Variants in ALK observed in about 807,000 individuals in gnomAD.
The protein encoded by ALK is ALK receptor tyrosine kinase.
Under a neutral mutation model 163.1 loss-of-function variants are expected in ALK, and 74 were observed. That is an observed-to-expected ratio of 0.45 (90% CI 0.38 to 0.55). The LOEUF (loss-of-function observed/expected upper bound fraction) is 0.55. ALK is among the 20% of genes least tolerant of loss of function. ALK has a pLI of 0.00. For missense variants in ALK, 2,063 were observed against 2,105.3 expected (o/e 0.98, Z 0.39); for synonymous variants, 960 against 843.2 (o/e 1.14, Z -2.40).
intron 4 of ALK, among the ~76,000 whole-genome samples, chr2:29,430,170 C>T (rs1670239549): frequency 6.6e-6 from 1 of 151,998 alleles, no homozygotes; most frequent in African/African-American, 2.4e-5. Context: ...CACAAAAAAG[C>T]ATAAGCAGCA....
In ALK at chr2:29,379,403, G is replaced by T. The variant is rs182123421; in HGVS notation, c.1282+4329C>A. Among the ~76,000 whole-genome samples the T allele has an allele frequency of 5.3e-3, 808 of 152,330 alleles. 10 individuals carry two copies. Among genetic ancestry groups the T allele is most frequent in the Non-Finnish European group, 4.4e-3 (302 of 68,028 alleles). On this transcript the variant is annotated intron_variant, in intron 5 of 28. Coordinates refer to ENST00000389048, the MANE Select transcript of ALK (RefSeq NM_004304.5). The stretch of plus-strand genomic sequence containing the variant: ...AACCAATCAGTCAACATGTATTCGT[G>T]TGGTGTTTTCTGTGTGTTTAGCACC...
intron 4 of ALK, among the ~76,000 whole-genome samples, chr2:29,487,769 C>A (rs1300531536): frequency 6.6e-6 from 1 of 152,146 alleles, no homozygotes; most frequent in Non-Finnish European, 1.5e-5. Context: ...AATTTACCAC[C>A]CATTTACTGA....
At chr2:29,583,030 C>CTTTTGTT (rs1553335203) in intron 3 of ALK, among the ~76,000 whole-genome samples, 1 of 83,304 alleles carries the variant, frequency 1.2e-5, no homozygotes, top group Admixed American at 1.1e-4. Context: ...GCCTGGCTAA[C>CTTTTGTT]TTTTGTTTTT....
intron 3 of ALK, among the ~76,000 whole-genome samples, chr2:29,687,703 C>T (rs1445813772): frequency 6.6e-6 from 1 of 152,064 alleles, no homozygotes; most frequent in African/African-American, 2.4e-5. Flanking sequence ...CAGACTTTAT[C>T]CTTATGTACA....
At chr2:29,624,936 T>G (rs1367408737) in intron 3 of ALK, among the ~76,000 whole-genome samples, 2 of 152,302 alleles carry the variant, frequency 1.3e-5, no homozygotes, top group Middle Eastern at 3.4e-3. Flanking sequence ...TCTGGAAACC[T>G]ACACACTAGG....
At chr2:29,763,019 G>A (rs557803661) in intron 1 of ALK, among the ~76,000 whole-genome samples, 75 of 151,234 alleles carry the variant, frequency 5.0e-4, no homozygotes, top group African/African-American at 1.5e-3. Flanking sequence ...CCAGGGAGGC[G>A]GAGGTTGCAG....
chr2:29,773,030 G>A (rs1681068682), intron 1 of ALK, among the ~76,000 whole-genome samples: 1 of 133,520 alleles, frequency 7.5e-6, no homozygotes, highest in African/African-American at 3.3e-5. Context: ...GCTTGTCAAT[G>A]TAAACAAAAA....
intron 1 of ALK, among the ~76,000 whole-genome samples, chr2:29,807,289 G>A (rs1329737445): frequency 6.6e-6 from 1 of 152,204 alleles, no homozygotes. Context: ...CTCATCTAAG[G>A]AAGCCAAGGG....
At chr2:29,409,582 C>A (rs1456015082) in intron 4 of ALK, among the ~76,000 whole-genome samples, 1 of 152,162 alleles carries the variant, frequency 6.6e-6, no homozygotes, top group Non-Finnish European at 1.5e-5. Context: ...CCAGAGCTTC[C>A]TTAATCTCCT....
At chr2:29,693,436 C>CACACACAT (rs1491384586) in intron 3 of ALK, among the ~76,000 whole-genome samples, 1 of 141,852 alleles carries the variant, frequency 7.0e-6, no homozygotes, top group Non-Finnish European at 1.6e-5. Flanking sequence ...CACACACACA[C>CACACACAT]AGACACACAC....
chr2:29,212,420 A>C (rs1252584127), intron 24 of ALK, among the ~76,000 whole-genome samples: 7 of 152,240 alleles, frequency 4.6e-5, no homozygotes, highest in Non-Finnish European at 1.0e-4. Flanking sequence ...ATAGACTCTT[A>C]GAAGGAGCAG....
chr2:29,597,098 AG>A (rs1457866034), intron 3 of ALK, among the ~76,000 whole-genome samples: 1 of 152,214 alleles, frequency 6.6e-6, no homozygotes, highest in Non-Finnish European at 1.5e-5. Context: ...ACTCCCTCAG[AG>A]GCTGAGAATA....
chr2:29,337,350 G>A (rs976587549), intron 5 of ALK, among the ~76,000 whole-genome samples: 2 of 152,166 alleles, frequency 1.3e-5, no homozygotes, highest in African/African-American at 2.4e-5. Flanking sequence ...CCGGGAAGTG[G>A]GAGAGTTAGT....
chr2:29,482,450 A>C (rs1271867842), intron 4 of ALK, among the ~76,000 whole-genome samples: 2 of 152,092 alleles, frequency 1.3e-5, no homozygotes, highest in African/African-American at 2.4e-5. Context: ...CATCTGAGGG[A>C]GGAGGTATCA....
chr2:29,842,538 A>C (rs1433090168), intron 1 of ALK, among the ~76,000 whole-genome samples: 3 of 152,158 alleles, frequency 2.0e-5, no homozygotes, highest in Non-Finnish European at 4.4e-5. Context: ...TTCACTCTCC[A>C]AGGATAAACA....
chr2:29,820,173 G>T (rs970560312), intron 1 of ALK, among the ~76,000 whole-genome samples: 1 of 152,224 alleles, frequency 6.6e-6, no homozygotes, highest in Non-Finnish European at 1.5e-5. Flanking sequence ...GTTACAGAAG[G>T]CATTGCAGCT....
intron 4 of ALK, among the ~76,000 whole-genome samples, chr2:29,460,782 AC>A (rs1265784942): frequency 6.6e-6 from 1 of 152,178 alleles, no homozygotes; most frequent in South Asian, 2.1e-4. Context: ...TACTAGCCCT[AC>A]AATGGCCTCT....
intron 4 of ALK, among the ~76,000 whole-genome samples, chr2:29,476,761 G>T (rs913213010): frequency 1.3e-5 from 2 of 152,164 alleles, no homozygotes; most frequent in African/African-American, 4.8e-5. Flanking sequence ...AGACAGATTA[G>T]GTGTGTAAAA....
intron 1 of ALK, among the ~76,000 whole-genome samples, chr2:29,718,118 G>A (rs1203222794): frequency 6.6e-6 from 1 of 152,148 alleles, no homozygotes; most frequent in Non-Finnish European, 1.5e-5. Context: ...AATGTTGTTT[G>A]CTTGGGTTAT....
Sources: allele counts gnomAD v4.1 joint callset (sites outside exome capture counted in the v4.1 genomes callset), GRCh38; gene constraint gnomAD v4.1.1; transcripts MANE v1.5; gene names NCBI Gene and HGNC (gene_info 2026-07-23, HGNC 2026-07-21).